The following POU2F1 variants were observed in gnomAD, a reference collection of about 807,000 sequenced individuals.
POU2F1 encodes POU class 2 homeobox 1.
A neutral mutation model predicts 84.9 loss-of-function variants in POU2F1; 16 were observed. The observed-to-expected ratio is 0.19, with a 90% CI of 0.13 to 0.29. The LOEUF (loss-of-function observed/expected upper bound fraction) is 0.29. POU2F1 is among the 10% of genes least tolerant of loss of function. The pLI, the probability that POU2F1 is intolerant of heterozygous loss-of-function variation, is 1.00. For missense variants in POU2F1, 738 were observed against 942.6 expected, an observed-to-expected ratio of 0.78 and a Z score of 2.84; for synonymous variants, 368 against 368.3, an observed-to-expected ratio of 1.00 and a Z score of 0.01.
intron 1 of POU2F1, among the ~76,000 whole-genome samples, chr1:167,316,881 G>A (rs1291623868): frequency 6.6e-6 from 1 of 152,060 alleles, no homozygotes; most frequent in Non-Finnish European, 1.5e-5. Flanking sequence ...GTTGAAATAG[G>A]ATAACTCTAA....
At chr1:167,228,013 T>G (rs1279546249) in intron 1 of POU2F1, among the ~76,000 whole-genome samples, 1 of 152,190 alleles carries the variant, frequency 6.6e-6, no homozygotes, top group African/African-American at 2.4e-5. Context: ...ACTTCTAACT[T>G]TCTCCCACCT....
At chr1:167,408,660 A>G (rs1649752519) in intron 13 of POU2F1, among the ~76,000 whole-genome samples, 1 of 152,244 alleles carries the variant, frequency 6.6e-6, no homozygotes, top group African/African-American at 2.4e-5. Context: ...ACAAAAATCT[A>G]GAGACAAAAA....
At chr1:167,340,350 G>A (rs1187320603) in intron 2 of POU2F1, among the ~76,000 whole-genome samples, 4 of 152,056 alleles carry the variant, frequency 2.6e-5, no homozygotes, top group Non-Finnish European at 5.9e-5. Flanking sequence ...AAAGTGCTGG[G>A]ATTAGAGGTG....
chr1:167,395,480 G>A (rs921798005), intron 9 of POU2F1, among the ~76,000 whole-genome samples: 1 of 152,064 alleles, frequency 6.6e-6, no homozygotes, highest in African/African-American at 2.4e-5. Flanking sequence ...GAAAAGAGAT[G>A]ATTTCTAATT....
chr1:167,320,288 G>A (rs1435905663), intron 1 of POU2F1, among the ~76,000 whole-genome samples: 1 of 152,132 alleles, frequency 6.6e-6, no homozygotes, highest in African/African-American at 2.4e-5. Flanking sequence ...CTGAAGTATA[G>A]GGCGTCTGGA....
intron 1 of POU2F1, among the ~76,000 whole-genome samples, chr1:167,229,224 G>T (rs1313160404): frequency 6.6e-6 from 1 of 151,350 alleles, no homozygotes. Context: ...TTAAAGTTTA[G>T]CAGCTAATTA....
chr1:167,322,894 A>G (rs1423426582), intron 1 of POU2F1, among the ~76,000 whole-genome samples: 1 of 152,262 alleles, frequency 6.6e-6, no homozygotes, highest in Non-Finnish European at 1.5e-5. Flanking sequence ...TTTGTGGTTC[A>G]GGAACACCTT....
chr1:167,303,155 T>A (rs985104825), intron 1 of POU2F1, among the ~76,000 whole-genome samples: 1 of 152,082 alleles, frequency 6.6e-6, no homozygotes, highest in Non-Finnish European at 1.5e-5. Flanking sequence ...TTTTTTTTTA[T>A]GTTAGTGAAA....
chr1:167,323,676 AT>A (rs1557894610), intron 1 of POU2F1, among the ~76,000 whole-genome samples: 1 of 152,050 alleles, frequency 6.6e-6, no homozygotes, highest in African/African-American at 2.4e-5. Context: ...AGTTGTACTA[AT>A]TTTAATCACA....
intron 3 of POU2F1, among the ~76,000 whole-genome samples, chr1:167,369,727 A>G (rs189516906): frequency 5.3e-5 from 8 of 152,340 alleles, no homozygotes; most frequent in African/African-American, 1.9e-4. Flanking sequence ...TATACATGGA[A>G]CATTCAAAAT....
intron 7 of POU2F1, chr1:167,380,459 A>G (rs1647442792): frequency 6.6e-6 from 1 of 152,236 alleles, no homozygotes; most frequent in Non-Finnish European, 1.5e-5. Flanking sequence ...TAGTTTCCCT[A>G]GAATCACCTT....
chr1:167,412,364 CAG>C, intron 14 of POU2F1, 60 bp downstream of exon 14: 2 of 1,395,494 alleles, frequency 1.4e-6, no homozygotes, highest in Non-Finnish European at 1.9e-6. Context: ...GAATTACTCA[CAG>C]GGGAGACTTT....
intron 3 of POU2F1, among the ~76,000 whole-genome samples, chr1:167,367,903 C>T (rs1173489913): frequency 6.6e-6 from 1 of 151,884 alleles, no homozygotes; most frequent in Non-Finnish European, 1.5e-5. Context: ...AGGCGTACAC[C>T]ATGGCACCGA....
chr1:167,280,202 A>C (rs1248930085), intron 1 of POU2F1, among the ~76,000 whole-genome samples: 1 of 151,986 alleles, frequency 6.6e-6, no homozygotes, highest in Non-Finnish European at 1.5e-5. Context: ...AAAAAAAAAA[A>C]AAACTTATTG....
intron 15 of POU2F1, among the ~76,000 whole-genome samples, chr1:167,413,791 T>C (rs905347745): frequency 1.3e-5 from 2 of 152,174 alleles, no homozygotes; most frequent in African/African-American, 2.4e-5. Context: ...TAAAAATGTT[T>C]ACTGTTATGT....
intron 13 of POU2F1, among the ~76,000 whole-genome samples, chr1:167,409,839 G>A (rs1287593187): frequency 6.6e-6 from 1 of 152,170 alleles, no homozygotes; most frequent in African/African-American, 2.4e-5. Flanking sequence ...AAGGGAAGTA[G>A]TACCCATAGG....
intron 1 of POU2F1, among the ~76,000 whole-genome samples, chr1:167,316,901 TA>T (rs1176598668): frequency 6.6e-6 from 1 of 152,190 alleles, no homozygotes; most frequent in Non-Finnish European, 1.5e-5. Context: ...ATATTATTTT[TA>T]TTTTTTTGAG....
intron 10 of POU2F1, among the ~76,000 whole-genome samples, chr1:167,397,553 G>C (rs1012590402): frequency 3.9e-5 from 6 of 152,110 alleles, no homozygotes; most frequent in Admixed American, 3.9e-4. Context: ...GGGATGGGTG[G>C]TGGGTAGGGG....
At position 167,329,011 on chromosome 1, in the gene POU2F1, G is replaced by A. The variant is rs1014866772; in HGVS notation, c.62-3459G>A. The A allele has an allele frequency of 5.5e-6, 6 of 1,081,994 alleles. No homozygotes were observed. In the African/African-American group the frequency reaches 8.3e-5, roughly 15 times the overall value. The allele number at this position is 1,081,994 out of a possible 1,614,324, so 67.0% of individuals were successfully genotyped here. ...AACTTTTTCATGCTTCAGTTGCCTT[G>A]ACAATGTCAGTCCTAGCTGGTAGGA... On this transcript the variant is annotated intron_variant, in intron 1 of 15. Coordinates refer to ENST00000367866, the MANE Select transcript of POU2F1 (RefSeq NM_002697.4).
Sources: gnomAD v4.1 joint callset for allele counts (sites outside exome capture counted in the v4.1 genomes callset) on GRCh38, gnomAD v4.1.1 for gene constraint, MANE v1.5 for transcripts, NCBI Gene and HGNC (gene_info 2026-07-23, HGNC 2026-07-21) for gene names.